The following SKAP1 variants were observed in gnomAD, a reference collection of about 807,000 sequenced individuals.
SKAP1 encodes the protein src kinase-associated phosphoprotein 1.
Under a neutral mutation model 58.5 loss-of-function variants are expected in SKAP1, and 44 were observed. The ratio of observed to expected loss-of-function variants is 0.75; its 90% CI spans 0.59 to 0.97. The LOEUF is 0.97. Among genes scored for constraint, SKAP1 ranks in the 50% least tolerant of loss-of-function variants. The pLI is 0.00. For synonymous variants in SKAP1, 127 were observed against 149.7 expected, an observed-to-expected ratio of 0.85 and a Z score of 1.11; for missense variants, 390 against 435.2, an observed-to-expected ratio of 0.90 and a Z score of 0.92.
intron 4 of SKAP1, among the ~76,000 whole-genome samples, chr17:48,317,283 G>A (rs899823000): frequency 8.5e-5 from 13 of 152,106 alleles, no homozygotes; most frequent in Admixed American, 1.3e-4. Flanking sequence ...TAAAAAAGAC[G>A]AACATAAAAT....
chr17:48,217,639 T>C (rs1487431978), intron 4 of SKAP1, among the ~76,000 whole-genome samples: 4 of 151,968 alleles, frequency 2.6e-5, no homozygotes, highest in East Asian at 1.9e-4. Context: ...GAGGAAGATA[T>C]TGTCTCTAAA....
intron 4 of SKAP1, among the ~76,000 whole-genome samples, chr17:48,240,484 C>G (rs930931933): frequency 6.6e-5 from 10 of 152,112 alleles, no homozygotes; most frequent in Non-Finnish European, 1.5e-4. Flanking sequence ...ACTGTAGAAC[C>G]CTGAGTTGCA....
intron 4 of SKAP1, among the ~76,000 whole-genome samples, chr17:48,342,112 T>C (rs971888369): frequency 2.0e-5 from 3 of 152,228 alleles, no homozygotes; most frequent in Non-Finnish European, 4.4e-5. Flanking sequence ...TCTTGAGCTT[T>C]GTAGTTGCCT....
the SKAP1 span, among the ~76,000 whole-genome samples, chr17:48,437,545 C>A: frequency 6.6e-6 from 1 of 152,010 alleles, no homozygotes; most frequent in Non-Finnish European, 1.5e-5. Context: ...GAGTTTGAGA[C>A]CAGCCTGGCC....
the SKAP1 span, among the ~76,000 whole-genome samples, chr17:48,441,965 G>A: frequency 1.3e-5 from 2 of 152,010 alleles, no homozygotes; most frequent in South Asian, 2.1e-4. Flanking sequence ...AGCATTTAAC[G>A]CATATCTTGT....
chr17:48,372,524 C>T (rs1295039899), intron 2 of SKAP1, among the ~76,000 whole-genome samples: 3 of 150,162 alleles, frequency 2.0e-5, no homozygotes, highest in South Asian at 2.1e-4. Flanking sequence ...AGGCTGGTCT[C>T]GAACTCCTGA....
At chr17:48,197,365 C>T (rs1326507888) in intron 4 of SKAP1, among the ~76,000 whole-genome samples, 1 of 151,672 alleles carries the variant, frequency 6.6e-6, no homozygotes, top group Non-Finnish European at 1.5e-5. Context: ...GTGTAGGGCT[C>T]ATGCAGAAAT....
At chr17:48,141,769 T>C (rs12941830) in intron 11 of SKAP1, among the ~76,000 whole-genome samples, 84,433 of 151,978 alleles carry the variant, frequency 0.56, 24,523 homozygotes, top group East Asian at 0.77. Flanking sequence ...GATTTAGTGT[T>C]CCTTAGTAAA....
chr17:48,443,875 C>T, the SKAP1 span, among the ~76,000 whole-genome samples: 1 of 152,076 alleles, frequency 6.6e-6, no homozygotes, highest in Non-Finnish European at 1.5e-5. Context: ...CACTTGGAAT[C>T]ATCAATTATT....
intron 12 of SKAP1, among the ~76,000 whole-genome samples, chr17:48,136,274 C>T (rs752572679): frequency 1.9e-4 from 29 of 151,816 alleles, no homozygotes; most frequent in African/African-American, 5.3e-4. Context: ...CGGGTTCAAG[C>T]GATTCTCCTG....
intron 4 of SKAP1, among the ~76,000 whole-genome samples, chr17:48,303,713 T>C (rs912453578): frequency 6.6e-6 from 1 of 152,196 alleles, no homozygotes; most frequent in African/African-American, 2.4e-5. Flanking sequence ...GGGAAAAACC[T>C]TCAAAAATTT....
intron 4 of SKAP1, among the ~76,000 whole-genome samples, chr17:48,202,637 G>C (rs2143620479): frequency 6.6e-6 from 1 of 152,272 alleles, no homozygotes; most frequent in South Asian, 2.1e-4. Flanking sequence ...AAAAGATTTA[G>C]GAGGGGAAAA....
intron 4 of SKAP1, among the ~76,000 whole-genome samples, chr17:48,216,187 C>T (rs191393829): frequency 3.3e-5 from 5 of 152,248 alleles, no homozygotes; most frequent in African/African-American, 9.6e-5. Flanking sequence ...GTATGAATTC[C>T]GGTGACTTTT....
intron 4 of SKAP1, among the ~76,000 whole-genome samples, chr17:48,327,923 T>C (rs2066458930): frequency 6.6e-6 from 1 of 152,208 alleles, no homozygotes; most frequent in East Asian, 1.9e-4. Context: ...TGAACCACTG[T>C]GCCCCGCCGT....
intron 1 of SKAP1, among the ~76,000 whole-genome samples, chr17:48,405,453 T>C (rs28718936): frequency 8.2e-4 from 57 of 69,104 alleles, no homozygotes; most frequent in African/African-American, 1.8e-3. Flanking sequence ...TTCTTTCTTT[T>C]CTTTCTTTCT....
chr17:48,444,993 T>C, the SKAP1 span, among the ~76,000 whole-genome samples: 1 of 152,158 alleles, frequency 6.6e-6, no homozygotes, highest in South Asian at 2.1e-4. Context: ...AGGGTGTTTC[T>C]GAGCTGCACT....
At chr17:48,362,437 C>T (rs1327546168) in intron 3 of SKAP1, among the ~76,000 whole-genome samples, 1 of 152,194 alleles carries the variant, frequency 6.6e-6, no homozygotes, top group African/African-American at 2.4e-5. Flanking sequence ...CATGTGCTTC[C>T]CCCTGTGGAT....
chr17:48,275,125 C>T (rs532453464), intron 4 of SKAP1, among the ~76,000 whole-genome samples: 25 of 152,310 alleles, frequency 1.6e-4, no homozygotes, highest in African/African-American at 5.1e-4. Context: ...TCCAGTAAAG[C>T]AATCTGTACT....
At chr17:48,427,927 A>G (rs1461293057) in intron 1 of SKAP1, among the ~76,000 whole-genome samples, 1 of 152,118 alleles carries the variant, frequency 6.6e-6, no homozygotes, top group Admixed American at 6.5e-5. Context: ...GTGGTGGGGG[A>G]GACAAATAGC....
Sources: gnomAD v4.1 joint callset for allele counts (sites outside exome capture counted in the v4.1 genomes callset) on GRCh38, gnomAD v4.1.1 for gene constraint, MANE v1.5 for transcripts, NCBI Gene and HGNC (gene_info 2026-07-23, HGNC 2026-07-21) for gene names.